Variants in SUN5 observed in about 807,000 individuals in gnomAD.
The protein encoded by SUN5 is Sad1 and UNC84 domain containing 5.
In SUN5, 44 loss-of-function variants were observed where a neutral mutation model predicts 53.7. The ratio of observed to expected loss-of-function variants is 0.82; its 90% CI spans 0.64 to 1.05. The LOEUF (loss-of-function observed/expected upper bound fraction) is 1.05. SUN5 is among the 50% of genes least tolerant of loss of function. The pLI is 0.00. For missense variants in SUN5, 433 were observed against 483.8 expected (o/e 0.90, Z 0.98); for synonymous variants, 166 against 179.8 (o/e 0.92, Z 0.62).
intron 4 of SUN5, 25 bp downstream of exon 4, chr20:33,001,187 C>T: frequency 6.4e-7 from 1 of 1,561,190 alleles, no homozygotes; most frequent in Non-Finnish European, 8.7e-7. Flanking sequence ...TCCCCATCCA[C>T]CCTCCCCCTG....
intron 5 of SUN5, among the ~76,000 whole-genome samples, chr20:32,998,190 A>C (rs981889973): frequency 9.3e-5 from 14 of 150,902 alleles, no homozygotes; most frequent in African/African-American, 3.4e-4. Flanking sequence ...AAAAAAAAAA[A>C]AAAAAAAAAT....
At chr20:32,985,937 G>T (rs747156721) in intron 10 of SUN5, 34 bp from the exon 11 acceptor site, 2 of 1,596,748 alleles carry the variant, frequency 1.3e-6, no homozygotes, top group African/African-American at 2.7e-5. Context: ...GGATATGCTG[G>T]GTGGGTAGGG....
intron 5 of SUN5, among the ~76,000 whole-genome samples, chr20:32,998,376 C>T (rs1440988659): frequency 5.9e-5 from 9 of 151,764 alleles, no homozygotes; most frequent in Admixed American, 3.9e-4. Flanking sequence ...ACTGAGGCAG[C>T]AGAATCGCTT....
chr20:32,984,198 GCAAACCTCCA>G (rs1278416980), intron 12 of SUN5, among the ~76,000 whole-genome samples: 1 of 152,160 alleles, frequency 6.6e-6, no homozygotes, highest in Non-Finnish European at 1.5e-5. Context: ...GGGATCTTGG[GCAAACCTCCA>G]CCCTTTCTGG....
intron 5 of SUN5, among the ~76,000 whole-genome samples, chr20:32,998,610 T>C (rs1003435245): frequency 3.3e-5 from 5 of 152,190 alleles, no homozygotes; most frequent in Non-Finnish European, 5.9e-5. Context: ...ACATCCTATT[T>C]AATGGTGAAA....
In SUN5 at chr20:33,000,641, T is replaced by C. The variant is rs894715318; in HGVS notation, c.279-506A>G. On this transcript the variant is annotated intron_variant, in intron 4 of 12. Coordinates refer to ENST00000356173, the MANE Select transcript of SUN5 (RefSeq NM_080675.4). Reference sequence around the variant, plus strand: ...GCTGAGGTGGGAGGATCACTGGAGTTTGAGACCAGCCTGGGCAACATGGTG... The same window carrying C: ...GCTGAGGTGGGAGGATCACTGGAGTCTGAGACCAGCCTGGGCAACATGGTG... Among the ~76,000 whole-genome samples, 6 of 152,008 alleles carry C rather than the reference T, an allele frequency of 3.9e-5. No individual in the cohort carries two copies. In the East Asian group the frequency reaches 9.7e-4, roughly 25 times the overall value.
chr20:32,998,076 C>T (rs1461155073), intron 5 of SUN5, among the ~76,000 whole-genome samples: 2 of 149,340 alleles, frequency 1.3e-5, no homozygotes, highest in Admixed American at 6.8e-5. Flanking sequence ...TGGTGGCTCA[C>T]GCCCATAATC....
chr20:32,997,760 A>T, intron 5 of SUN5, 73 bp from the exon 6 acceptor site: 6 of 1,558,642 alleles, frequency 3.8e-6, no homozygotes, highest in Non-Finnish European at 5.3e-6. Context: ...GAGTTAGGAC[A>T]TCTGGGTTCA....
At chr20:33,000,831 T>G (rs1198316249) in intron 4 of SUN5, among the ~76,000 whole-genome samples, 19 of 133,498 alleles carry the variant, frequency 1.4e-4, no homozygotes, top group South Asian at 4.6e-4. Flanking sequence ...GGCGGTAGAG[T>G]GAAACCCTGT....
chr20:32,987,675 T>C lies in SUN5; in HGVS notation c.714A>G (p.Pro238=), dbSNP rs1989582582. Residue 238 remains proline (P), a synonymous_variant, in exon 10 of 13, where the codon CCA becomes CCG. Coordinates refer to ENST00000356173, the MANE Select transcript of SUN5 (RefSeq NM_080675.4). ...WIQLWNYAQP[P]DVILEPNVTP... ...TCCCCCCTGCCTCAAGGATCACGTC[T>C]GGGGGCTGTGCGTAGTTCCACAGCT... is the stretch of plus-strand genomic sequence containing the variant. 6.2e-7 allele frequency: 1 copy of C among 1,610,696 alleles called. No individual in the cohort carries two copies. Among genetic ancestry groups the C allele is most frequent in the Non-Finnish European group, 8.5e-7 (1 of 1,178,726 alleles).
chr20:33,003,269 C>T (rs565129045), intron 1 of SUN5, among the ~76,000 whole-genome samples: 1 of 151,954 alleles, frequency 6.6e-6, no homozygotes, highest in South Asian at 2.1e-4. Flanking sequence ...GTGATTGGTT[C>T]AAGGGTGAGG....
At chr20:32,992,870 C>T (rs1276667027) in intron 8 of SUN5, among the ~76,000 whole-genome samples, 1 of 152,162 alleles carries the variant, frequency 6.6e-6, no homozygotes, top group Non-Finnish European at 1.5e-5. Context: ...CCACTTCTCA[C>T]CCTGCAGAAT....
At chr20:33,002,091 T>C (rs960536908) in intron 3 of SUN5, among the ~76,000 whole-genome samples, 10 of 151,916 alleles carry the variant, frequency 6.6e-5, no homozygotes, top group African/African-American at 2.4e-4. Context: ...AGGCAAAAAG[T>C]AGGGGACTCA....
chr20:32,995,631 G>A lies in SUN5; in HGVS notation c.522C>T (p.Ala174=), dbSNP rs375724217. Residue 174 remains alanine, a synonymous_variant, in exon 8 of 13, where the codon GCC becomes GCT. Transcript: ENST00000356173. ...QLIAKLQEME[A]MSDEQKMAQK... is the part of the protein sequence containing the mutation. ...GCCAGCGTCTCACCTCATCGGACAT[G>A]GCTTCCATCTCCTGGAGCTTGGCAA... The A allele has an allele frequency of 9.9e-6, 16 of 1,614,012 alleles. No homozygotes were observed. The African/African-American group carries it at 1.7e-4, about 18-fold the overall frequency.
intron 9 of SUN5, 116 bp downstream of exon 9, chr20:32,989,504 C>G: frequency 1.5e-6 from 1 of 667,408 alleles, no homozygotes. Context: ...CAGCTTGGAA[C>G]AGAGGATGAA....
intron 10 of SUN5, 104 bp downstream of exon 10, chr20:32,987,556 C>T: frequency 1.3e-6 from 1 of 773,996 alleles, no homozygotes; most frequent in Non-Finnish European, 2.0e-6. Flanking sequence ...CCCCTGCCCC[C>T]ACTCCCTTTG....
intron 5 of SUN5, among the ~76,000 whole-genome samples, chr20:32,998,427 T>C (rs1272463115): frequency 6.6e-6 from 1 of 152,082 alleles, no homozygotes; most frequent in East Asian, 1.9e-4. Context: ...GAGATCATGC[T>C]GCTGCATTCC....
chr20:32,996,290 G>C, intron 7 of SUN5, 34 bp downstream of exon 7: 1 of 1,608,818 alleles, frequency 6.2e-7, no homozygotes, highest in Non-Finnish European at 8.5e-7. Context: ...TGCTTTTTAG[G>C]TAATAATATG....
chr20:33,003,910 G>A (rs1214985317), intron 1 of SUN5, among the ~76,000 whole-genome samples: 1 of 148,610 alleles, frequency 6.7e-6, no homozygotes, highest in Non-Finnish European at 1.5e-5. Flanking sequence ...GAGGCTTTCT[G>A]ACAGATAAAG....
Sources: allele counts gnomAD v4.1 joint callset (sites outside exome capture counted in the v4.1 genomes callset), GRCh38; gene constraint gnomAD v4.1.1; transcripts MANE v1.5; gene names NCBI Gene and HGNC (gene_info 2026-07-23, HGNC 2026-07-21).